Variants in DGKB observed in about 807,000 individuals in gnomAD.
DGKB encodes the protein 90 kDa diacylglycerol kinase.
A neutral mutation model predicts 114.3 loss-of-function variants in DGKB; 67 were observed. That is an observed-to-expected ratio of 0.59 (90% CI 0.48 to 0.72). The LOEUF (loss-of-function observed/expected upper bound fraction) is 0.72. DGKB is among the 30% of genes least tolerant of loss of function. DGKB has a pLI of 0.00. For missense variants in DGKB, 907 were observed against 975.2 expected (o/e 0.93, Z 0.93); for synonymous variants, 398 against 323.1 (o/e 1.23, Z -2.49).
chr7:14,356,245 T>G (rs1270688609), intron 21 of DGKB, among the ~76,000 whole-genome samples: 1 of 152,044 alleles, frequency 6.6e-6, no homozygotes, highest in East Asian at 1.9e-4. Context: ...ATTCATTTAT[T>G]TTTTGAGGGG....
At chr7:14,212,375 G>GTTTTGTGATTTTATTTACTCTCA (rs1788189793) in intron 23 of DGKB, among the ~76,000 whole-genome samples, 1 of 10,678 alleles carries the variant, frequency 9.4e-5, no homozygotes. Flanking sequence ...TTTTACTCTC[G>GTTTTGTGATTTTATTTACTCTCA]TGTTTTGTGA....
At chr7:14,243,954 C>T (rs1794035573) in intron 23 of DGKB, among the ~76,000 whole-genome samples, 1 of 152,012 alleles carries the variant, frequency 6.6e-6, no homozygotes. Flanking sequence ...AGTGGAAGAC[C>T]TCTAAATCTA....
At chr7:14,955,096 T>C (rs1562901515) in intron 1 of DGKB, among the ~76,000 whole-genome samples, 1 of 152,014 alleles carries the variant, frequency 6.6e-6, no homozygotes, top group Non-Finnish European at 1.5e-5. Flanking sequence ...ATAAAGTTTC[T>C]GGAATAATGG....
rs1211825298 is a variant in DGKB at position 14,738,191 on chromosome 7, T to C, written c.169-1997A>G. ...CATTCATTTGGGTGAGTGACCAAAATTGATAGCTAATCTTCAACATGTATG... is the reference window on the plus strand; with the variant it reads ...CATTCATTTGGGTGAGTGACCAAAACTGATAGCTAATCTTCAACATGTATG... On this transcript the variant is annotated intron_variant, in intron 4 of 25. Transcript: ENST00000402815. 3.3e-5 allele frequency among the ~76,000 whole-genome samples: 5 copies of C among 152,352 alleles called. No individual in the cohort carries two copies. The South Asian group carries it at 8.3e-4, about 25-fold the overall frequency.
intron 13 of DGKB, among the ~76,000 whole-genome samples, chr7:14,636,832 C>A (rs75296891): frequency 6.6e-6 from 1 of 151,874 alleles, no homozygotes; most frequent in East Asian, 1.9e-4. Context: ...TGTGAAAACA[C>A]TAATTATTTT....
At chr7:14,936,323 G>A (rs1201672869) in intron 1 of DGKB, among the ~76,000 whole-genome samples, 1 of 152,068 alleles carries the variant, frequency 6.6e-6, no homozygotes, top group Non-Finnish European at 1.5e-5. Flanking sequence ...AAAATGAAAA[G>A]GAGGCTAAAA....
At chr7:14,551,050 G>T (rs1262836622) in intron 20 of DGKB, among the ~76,000 whole-genome samples, 1 of 126,004 alleles carries the variant, frequency 7.9e-6, no homozygotes, top group Non-Finnish European at 1.7e-5. Context: ...CTGAAAACTG[G>T]AGAAATTCTG....
chr7:14,487,359 A>C (rs1783969211), intron 20 of DGKB, among the ~76,000 whole-genome samples: 1 of 152,178 alleles, frequency 6.6e-6, no homozygotes, highest in African/African-American at 2.4e-5. Context: ...CTCATAGGTT[A>C]GACTAGTAAA....
intron 6 of DGKB, among the ~76,000 whole-genome samples, chr7:14,710,720 T>C (rs749359215): frequency 6.6e-6 from 1 of 152,136 alleles, no homozygotes; most frequent in Non-Finnish European, 1.5e-5. Flanking sequence ...TTGTTTTTAA[T>C]CATGAATAGA....
At chr7:14,788,295 G>A (rs1017054740) in intron 2 of DGKB, among the ~76,000 whole-genome samples, 5 of 152,208 alleles carry the variant, frequency 3.3e-5, no homozygotes, top group Admixed American at 6.5e-5. Context: ...GGATGCAGCA[G>A]AAGATCTGAA....
intron 23 of DGKB, among the ~76,000 whole-genome samples, chr7:14,320,529 C>T (rs1475559589): frequency 3.3e-5 from 5 of 151,280 alleles, no homozygotes; most frequent in African/African-American, 7.3e-5. Flanking sequence ...ATATATGTAC[C>T]GCATATGCGG....
intron 21 of DGKB, among the ~76,000 whole-genome samples, chr7:14,470,060 G>A (rs938973073): frequency 6.6e-6 from 1 of 151,758 alleles, no homozygotes; most frequent in Admixed American, 6.6e-5. Flanking sequence ...TCATTTAAAT[G>A]ATATAGCAAA....
intron 1 of DGKB, among the ~76,000 whole-genome samples, chr7:14,959,967 C>T (rs1463436662): frequency 6.6e-6 from 1 of 151,972 alleles, no homozygotes; most frequent in Non-Finnish European, 1.5e-5. Flanking sequence ...GAAAACATAA[C>T]ATTTTCTTTC....
intron 2 of DGKB, among the ~76,000 whole-genome samples, chr7:14,789,388 CT>C: frequency 6.6e-6 from 1 of 152,188 alleles, no homozygotes; most frequent in African/African-American, 2.4e-5. Flanking sequence ...TTCAAAAATG[CT>C]ATGTGCATCC....
chr7:14,627,868 G>A (rs868736220), intron 14 of DGKB, among the ~76,000 whole-genome samples: 9 of 151,572 alleles, frequency 5.9e-5, no homozygotes, highest in Non-Finnish European at 8.8e-5. Flanking sequence ...GCTTGAACCC[G>A]TGAGGCAGAG....
intron 23 of DGKB, among the ~76,000 whole-genome samples, chr7:14,230,297 G>T (rs915045424): frequency 2.6e-5 from 4 of 151,936 alleles, no homozygotes; most frequent in Non-Finnish European, 5.9e-5. Context: ...ATAAATTGAT[G>T]AATGCTTTTT....
chr7:14,909,235 G>A (rs185055480), intron 1 of DGKB, among the ~76,000 whole-genome samples: 7 of 152,130 alleles, frequency 4.6e-5, no homozygotes, highest in East Asian at 3.9e-4. Context: ...AAGCCAATTC[G>A]TTTCATCCTA....
intron 9 of DGKB, among the ~76,000 whole-genome samples, chr7:14,691,602 G>T (rs1286963972): frequency 1.3e-5 from 2 of 152,100 alleles, no homozygotes; most frequent in Non-Finnish European, 2.9e-5. Flanking sequence ...CTAACAAATA[G>T]ATGCTGTATT....
At chr7:14,310,973 C>G (rs1009400892) in intron 23 of DGKB, among the ~76,000 whole-genome samples, 1 of 151,734 alleles carries the variant, frequency 6.6e-6, no homozygotes, top group East Asian at 1.9e-4. Context: ...CACAAAAATA[C>G]AAAAATTAGC....
Sources: allele counts gnomAD v4.1 joint callset (sites outside exome capture counted in the v4.1 genomes callset), GRCh38; gene constraint gnomAD v4.1.1; transcripts MANE v1.5; gene names NCBI Gene and HGNC (gene_info 2026-07-23, HGNC 2026-07-21).